PTPRE: variants seen among roughly 807,000 people sequenced by gnomAD.
The protein encoded by PTPRE is protein tyrosine phosphatase receptor type E, also known as receptor-type tyrosine-protein phosphatase epsilon.
PTPRE carries 51 observed loss-of-function variants against 102.0 expected under a neutral mutation model. That is an observed-to-expected ratio of 0.50 (90% CI 0.40 to 0.63). The LOEUF is 0.63. Among genes scored for constraint, PTPRE ranks in the 30% least tolerant of loss-of-function variants. The pLI, the probability that PTPRE is intolerant of heterozygous loss-of-function variation, is 0.00. For synonymous variants in PTPRE, 345 were observed against 348.2 expected, an observed-to-expected ratio of 0.99 and a Z score of 0.10; for missense variants, 752 against 915.1, an observed-to-expected ratio of 0.82 and a Z score of 2.30.
At chr10:128,009,057 C>A (rs914317568) in intron 2 of PTPRE, among the ~76,000 whole-genome samples, 1 of 152,194 alleles carries the variant, frequency 6.6e-6, no homozygotes, top group South Asian at 2.1e-4. Context: ...GTGTCACCTC[C>A]AACATGGTGC....
At chr10:127,999,664 C>T in intron 2 of PTPRE, 1 of 983,262 alleles carries the variant, frequency 1.0e-6, no homozygotes, top group South Asian at 4.7e-5. Context: ...ATTCACTCTG[C>T]TGCTGTGAAT....
At chr10:128,050,219 GGGATGGAT>G (rs1848443162) in intron 6 of PTPRE, among the ~76,000 whole-genome samples, 1 of 151,840 alleles carries the variant, frequency 6.6e-6, no homozygotes, top group South Asian at 2.1e-4. Flanking sequence ...GGAGGGCAGA[GGGATGGAT>G]GGATGGATGG....
At chr10:128,073,530 C>A in intron 17 of PTPRE, 59 bp downstream of exon 17, 2 of 1,564,940 alleles carry the variant, frequency 1.3e-6, no homozygotes, top group Non-Finnish European at 1.7e-6. Context: ...GAGGCACTGT[C>A]CCCGTTCATT....
intron 1 of PTPRE, among the ~76,000 whole-genome samples, chr10:127,943,985 A>G (rs1848434423): frequency 6.6e-6 from 1 of 152,168 alleles, no homozygotes. Flanking sequence ...GGGAAGTCTA[A>G]TTAGAAGCAA....
intron 2 of PTPRE, among the ~76,000 whole-genome samples, chr10:128,029,031 T>C (rs1328374177): frequency 1.3e-5 from 2 of 152,180 alleles, no homozygotes; most frequent in African/African-American, 2.4e-5. Flanking sequence ...TTATTTACCT[T>C]ATGGGGGCAT....
intron 2 of PTPRE, among the ~76,000 whole-genome samples, chr10:128,002,882 A>G (rs1242040861): frequency 1.3e-5 from 2 of 151,650 alleles, no homozygotes; most frequent in African/African-American, 4.8e-5. Flanking sequence ...TTTTGTAAAG[A>G]TGGGGTCTCA....
intron 2 of PTPRE, among the ~76,000 whole-genome samples, chr10:128,019,789 C>A (rs948956517): frequency 2.6e-5 from 4 of 152,286 alleles, no homozygotes; most frequent in African/African-American, 9.6e-5. Flanking sequence ...CAGACAGGGT[C>A]CTGCGAGAGG....
At position 128,070,047 on chromosome 10, in the gene PTPRE, C is replaced by T. The variant is rs1850629585; in HGVS notation, c.1143+220C>T. On this transcript the variant is annotated intron_variant, in intron 13 of 20. Coordinates refer to ENST00000254667, the MANE Select transcript of PTPRE (RefSeq NM_006504.6). This position sits in a 1 kb window ranked among gnomAD's most constrained non-coding sequence, Gnocchi z 4.8. Reference sequence around the variant, plus strand: ...TATCCTCATGTGAGATGGGGCAATCCTACTCCCCCAAACGGTGCATGTACA... The same window carrying T: ...TATCCTCATGTGAGATGGGGCAATCTTACTCCCCCAAACGGTGCATGTACA... 1 of 723,440 alleles carries T rather than the reference C, an allele frequency of 1.4e-6. No homozygotes were observed. The highest frequency in any genetic ancestry group is 2.9e-5 in the Admixed American group (1 of 34,954). The allele number at this position is 723,440 out of a possible 1,614,324, so 44.8% of individuals were successfully genotyped here.
intron 2 of PTPRE, among the ~76,000 whole-genome samples, chr10:127,986,121 A>C (rs183714139): frequency 6.6e-6 from 1 of 152,160 alleles, no homozygotes; most frequent in African/African-American, 2.4e-5. Flanking sequence ...CATCCAAAAA[A>C]ATGAGTCAAG....
At chr10:128,073,833 T>G (rs1850993961) in intron 17 of PTPRE, among the ~76,000 whole-genome samples, 1 of 152,234 alleles carries the variant, frequency 6.6e-6, no homozygotes, top group African/African-American at 2.4e-5. Flanking sequence ...TTACCAACAA[T>G]GTACATCTAT....
chr10:127,964,341 T>C (rs1850072365), intron 1 of PTPRE, among the ~76,000 whole-genome samples: 1 of 152,056 alleles, frequency 6.6e-6, no homozygotes, highest in East Asian at 1.9e-4. Context: ...AGCTAGTTTT[T>C]GAATTTTTGG....
chr10:128,071,798 G>A (rs1233463042), intron 15 of PTPRE: 1 of 203,564 alleles, frequency 4.9e-6, no homozygotes, highest in Non-Finnish European at 9.9e-6. Context: ...TGGTTTTCTG[G>A]GGCCCCGGTG....
At chr10:128,067,385 CAT>C (rs144571521) in intron 11 of PTPRE, among the ~76,000 whole-genome samples, 6,967 of 76,554 alleles carry the variant, frequency 0.091, 231 homozygotes, top group African/African-American at 0.13. Context: ...CACATTCACA[CAT>C]GTGCACACAC....
chr10:127,960,339 T>C (rs1480718862), intron 1 of PTPRE, among the ~76,000 whole-genome samples: 2 of 152,158 alleles, frequency 1.3e-5, no homozygotes, highest in African/African-American at 4.8e-5. Context: ...TTCAAGAAAA[T>C]GCATAGCAGC....
At chr10:127,942,376 C>T (rs931178584) in intron 1 of PTPRE, among the ~76,000 whole-genome samples, 1 of 152,224 alleles carries the variant, frequency 6.6e-6, no homozygotes, top group Non-Finnish European at 1.5e-5. Context: ...AATTGTACGA[C>T]ATCCTCGATT....
At chr10:127,995,855 ACG>A (rs906806092) in intron 2 of PTPRE, among the ~76,000 whole-genome samples, 1 of 147,596 alleles carries the variant, frequency 6.8e-6, no homozygotes, top group Admixed American at 6.7e-5. Context: ...ACACACACAC[ACG>A]CACGCAAAGT....
chr10:128,024,756 G>A (rs1387593963), intron 2 of PTPRE, among the ~76,000 whole-genome samples: 2 of 152,190 alleles, frequency 1.3e-5, no homozygotes, highest in African/African-American at 4.8e-5. Context: ...AAGCCCATCA[G>A]GGGACTTCCT....
chr10:127,999,856 T>A, intron 2 of PTPRE: 1 of 985,414 alleles, frequency 1.0e-6, no homozygotes, highest in Non-Finnish European at 1.2e-6. Flanking sequence ...TTCGCATCAG[T>A]AGCCTGCTTG....
intron 1 of PTPRE, among the ~76,000 whole-genome samples, chr10:127,981,990 G>A (rs1851664805): frequency 6.6e-6 from 1 of 152,192 alleles, no homozygotes; most frequent in Non-Finnish European, 1.5e-5. Flanking sequence ...GGCCACAGCA[G>A]AGGCAGCTGA....
Sources: allele counts gnomAD v4.1 joint callset (sites outside exome capture counted in the v4.1 genomes callset), GRCh38; gene constraint gnomAD v4.1.1; non-coding constraint Gnocchi (gnomAD v3.1); transcripts MANE v1.5; gene names NCBI Gene and HGNC (gene_info 2026-07-23, HGNC 2026-07-21).